Variants in ZYG11B observed in about 807,000 individuals in gnomAD.
ZYG11B encodes protein zyg-11 homolog B.
Under a neutral mutation model 82.4 loss-of-function variants are expected in ZYG11B, and 36 were observed. The ratio of observed to expected loss-of-function variants is 0.44; its 90% confidence interval spans 0.33 to 0.58. The LOEUF (loss-of-function observed/expected upper bound fraction) is 0.58. ZYG11B is among the 20% of genes least tolerant of loss of function. The pLI, the probability that ZYG11B is intolerant of heterozygous loss-of-function variation, is 0.02. For missense variants in ZYG11B, 552 were observed against 895.6 expected, an observed-to-expected ratio of 0.62 and a Z score of 4.90; for synonymous variants, 303 against 312.8, an observed-to-expected ratio of 0.97 and a Z score of 0.33.
At chr1:52,743,002 C>G (rs909543572) in intron 1 of ZYG11B, among the ~76,000 whole-genome samples, 5 of 151,758 alleles carry the variant, frequency 3.3e-5, no homozygotes, top group Admixed American at 3.3e-4. Context: ...CCCGGCCGCC[C>G]CGTCTGGGAA....
intron 1 of ZYG11B, among the ~76,000 whole-genome samples, chr1:52,735,022 C>T (rs1428477638): frequency 6.6e-6 from 1 of 151,562 alleles, no homozygotes; most frequent in African/African-American, 2.4e-5. Context: ...AGCCACTGCG[C>T]CCGGTCCAAA....
chr1:52,730,391 A>G (rs1041852595), intron 1 of ZYG11B, among the ~76,000 whole-genome samples: 1 of 152,000 alleles, frequency 6.6e-6, no homozygotes, highest in African/African-American at 2.4e-5. Context: ...CAGCGGCGTG[A>G]TTACGGCTCA....
intron 3 of ZYG11B, among the ~76,000 whole-genome samples, chr1:52,779,390 T>C (rs1000060559): frequency 1.3e-5 from 2 of 152,216 alleles, no homozygotes; most frequent in Admixed American, 6.5e-5. Context: ...AAGACAGATA[T>C]AGCTGTTTAA....
At chr1:52,736,616 C>G (rs533082866) in intron 1 of ZYG11B, among the ~76,000 whole-genome samples, 1 of 152,280 alleles carries the variant, frequency 6.6e-6, no homozygotes, top group South Asian at 2.1e-4. Flanking sequence ...CCATGCCCAG[C>G]TAATTTTTGT....
At chr1:52,760,736 G>T (rs80291220) in intron 2 of ZYG11B, among the ~76,000 whole-genome samples, 7,974 of 150,170 alleles carry the variant, frequency 0.053, 534 homozygotes, top group East Asian at 0.34. Context: ...GAGATTACAG[G>T]CATGAGCCAA....
intron 10 of ZYG11B, among the ~76,000 whole-genome samples, chr1:52,803,153 T>TAC (rs1435151717): frequency 6.3e-4 from 24 of 38,192 alleles, no homozygotes; most frequent in African/African-American, 3.3e-3. Context: ...TATATATATA[T>TAC]ACACATATAT....
intron 2 of ZYG11B, among the ~76,000 whole-genome samples, chr1:52,764,180 A>G (rs1035088688): frequency 1.3e-5 from 2 of 152,012 alleles, no homozygotes; most frequent in Non-Finnish European, 2.9e-5. Context: ...CTGGAGTGCA[A>G]TGGCACTATC....
chr1:52,813,548 G>A lies in ZYG11B; in HGVS notation c.1708G>A (p.Glu570Lys). 6.2e-7 allele frequency: 1 copy of A among 1,609,520 alleles called. No individual in the cohort carries two copies. The highest frequency in any genetic ancestry group is 8.5e-7 in the Non-Finnish European group (1 of 1,176,746). The change falls in exon 11 of 14, where the codon GAA (glutamate) becomes AAA (lysine). Residue 570 changes from glutamate to lysine, a missense_variant. Around this residue, in one of 3 missense-constraint regions of ZYG11B, gnomAD observed 66 missense variants for 176.4 expected, o/e 0.37. Coordinates refer to ENST00000294353, the MANE Select transcript of ZYG11B (RefSeq NM_024646.3). ...TTTTTTTTTCCAGAACAATATAGCT[G>A]AAGTACAAGAATTACATTCTGAATT... is the stretch of plus-strand genomic sequence containing the variant. ...KVLGLLNNIA[E>K]VQELHSELMW...
intron 3 of ZYG11B, among the ~76,000 whole-genome samples, chr1:52,776,533 C>CAAAAAA (rs139862670): frequency 1.1e-5 from 1 of 92,130 alleles, no homozygotes; most frequent in African/African-American, 3.6e-5. Flanking sequence ...GACTGTGTCT[C>CAAAAAA]AAAAAAAAAA....
At chr1:52,809,192 C>T (rs1238609448) in intron 10 of ZYG11B, among the ~76,000 whole-genome samples, 1 of 152,108 alleles carries the variant, frequency 6.6e-6, no homozygotes, top group Non-Finnish European at 1.5e-5. Context: ...AATTTACCAT[C>T]TTAACCATTT....
chr1:52,794,036 G>A (rs1402456167), intron 6 of ZYG11B, among the ~76,000 whole-genome samples: 5 of 151,446 alleles, frequency 3.3e-5, no homozygotes, highest in Non-Finnish European at 5.9e-5. Context: ...GTGCAGTGGC[G>A]TGATCTCAGC....
At chr1:52,782,789 A>T (rs1016295191) in intron 4 of ZYG11B, among the ~76,000 whole-genome samples, 6 of 151,260 alleles carry the variant, frequency 4.0e-5, no homozygotes, top group African/African-American at 4.9e-5. Flanking sequence ...GGCTAATTTT[A>T]AAAAAATTTT....
In ZYG11B at chr1:52,744,851, T is replaced by TAC. The variant is rs1204576181; in HGVS notation, c.31-11606_31-11605insCA. 9.2e-4 allele frequency among the ~76,000 whole-genome samples: 140 copies of TAC among 152,032 alleles called. 1 individual carries two copies. Among genetic ancestry groups the TAC allele is most frequent in the African/African-American group, 3.3e-3 (138 of 41,476 alleles). Reference sequence around the variant, plus strand: ...GCGAGACTCCATATCAAAAAAAAAATATATTTCTAGAGAAGTCATTTTTGT... The same window carrying TAC: ...GCGAGACTCCATATCAAAAAAAAAATACATATTTCTAGAGAAGTCATTTTTGT... On this transcript the variant is annotated intron_variant, in intron 1 of 13. Transcript: ENST00000294353.
chr1:52,726,640 A>T lies in ZYG11B; in HGVS notation c.-14A>T, dbSNP rs1330461062. 4.8e-6 allele frequency: 7 copies of T among 1,463,548 alleles called. No homozygotes were observed. The highest frequency in any genetic ancestry group is 6.3e-6 in the Non-Finnish European group (7 of 1,113,796). The allele number at this position is 1,463,548 out of a possible 1,614,324, so 90.7% of individuals were successfully genotyped here. ...TCCGGTCCGGCCCGCCGCCGCACCCAGGACGGAGGCTGCATGCCCGAGGAC... is the reference window on the plus strand; with the variant it reads ...TCCGGTCCGGCCCGCCGCCGCACCCTGGACGGAGGCTGCATGCCCGAGGAC... On this transcript the variant is annotated 5_prime_UTR_variant, in exon 1 of 14. Coordinates refer to ENST00000294353, the MANE Select transcript of ZYG11B (RefSeq NM_024646.3).
At chr1:52,803,269 CACACACACACATATATATATATATATAT>C (rs1157556561) in intron 10 of ZYG11B, among the ~76,000 whole-genome samples, 72 of 102,686 alleles carry the variant, frequency 7.0e-4, no homozygotes, top group Non-Finnish European at 1.0e-3. Context: ...TATATATACA[CACACACACACATATATATATATATATAT>C]ACACATATAT....
Position 52,796,723 on chromosome 1 carries a change from C to A in ZYG11B, c.1435-11C>A, listed in dbSNP as rs1291846318. 1 of 1,596,104 alleles carries A rather than the reference C, an allele frequency of 6.3e-7. No homozygotes were observed. Among genetic ancestry groups the A allele is most frequent in the South Asian group, 1.1e-5 (1 of 88,494 alleles). The stretch of plus-strand genomic sequence containing the variant: ...TCTTGGACATTGAATTTGTTTTTTA[C>A]TTGCTTGCAGCTTTCTACAGAACAA... On this transcript the variant is annotated splice_polypyrimidine_tract_variant and intron_variant, in intron 7 of 13. Coordinates refer to ENST00000294353, the MANE Select transcript of ZYG11B (RefSeq NM_024646.3).
chr1:52,761,865 A>G (rs182120239), intron 2 of ZYG11B, among the ~76,000 whole-genome samples: 110 of 152,260 alleles, frequency 7.2e-4, no homozygotes, highest in Non-Finnish European at 1.2e-3. Context: ...GTTAATAGCC[A>G]TCCTGAGGTG....
intron 10 of ZYG11B, among the ~76,000 whole-genome samples, chr1:52,806,516 A>G (rs1376649852): frequency 6.6e-6 from 1 of 152,298 alleles, no homozygotes; most frequent in Non-Finnish European, 1.5e-5. Context: ...ATGTATAAAC[A>G]TTTAGAATTA....
rs1558147803 is a variant in ZYG11B, at chr1:52,825,336, T to A, written c.*3707T>A. 1 of 152,024 alleles carries A rather than the reference T, an allele frequency of 6.6e-6. No individual in the cohort carries two copies. 9.4% of individuals were successfully genotyped at this position (152,024 alleles called of 1,614,324 possible). ...GCCGATGACTCCATGGCTACTGATA[T>A]TAGTTAGTTTAGGATTTTTAAAAAG... On this transcript the variant is annotated 3_prime_UTR_variant, in exon 14 of 14. Transcript: ENST00000294353.
Sources: gnomAD v4.1 joint callset for allele counts (sites outside exome capture counted in the v4.1 genomes callset) on GRCh38, gnomAD v4.1.1 for gene constraint, gnomAD v4.1.1 regional missense constraint, MANE v1.5 for transcripts, NCBI Gene and HGNC (gene_info 2026-07-23, HGNC 2026-07-21) for gene names.